FZD6: variants seen among roughly 807,000 people sequenced by gnomAD.
FZD6 encodes frizzled class receptor 6.
FZD6 carries 49 observed loss-of-function variants against 61.4 expected under a neutral mutation model. The observed-to-expected ratio is 0.80, with a 90% CI of 0.63 to 1.01. FZD6 has a LOEUF of 1.01. Among genes scored for constraint, FZD6 ranks in the 50% least tolerant of loss-of-function variants. FZD6 has a pLI of 0.00. For synonymous variants in FZD6, 265 were observed against 292.2 expected (o/e 0.91, Z 0.95); for missense variants, 724 against 848.2 (o/e 0.85, Z 1.82).
At chr8:103,301,142 A>T (rs1225856905) in intron 2 of FZD6, among the ~76,000 whole-genome samples, 1 of 152,222 alleles carries the variant, frequency 6.6e-6, no homozygotes, top group Non-Finnish European at 1.5e-5. Flanking sequence ...ACTATTTTTA[A>T]AATTGATTAG....
At chr8:103,323,119 A>G (rs1286260543) in intron 3 of FZD6, among the ~76,000 whole-genome samples, 2 of 152,222 alleles carry the variant, frequency 1.3e-5, no homozygotes, top group African/African-American at 4.8e-5. Context: ...TCAAAACCTG[A>G]AAAACAATAC....
intron 2 of FZD6, among the ~76,000 whole-genome samples, chr8:103,310,811 A>G (rs1814476043): frequency 6.6e-6 from 1 of 152,364 alleles, no homozygotes; most frequent in African/African-American, 2.4e-5. Context: ...AGTGGTTACA[A>G]GGATAATTTA....
At position 103,324,937 on chromosome 8, in the gene FZD6, T is replaced by C. The variant is rs1814900306; in HGVS notation, c.831T>C (p.Ser277=). 6.2e-7 allele frequency: 1 copy of C among 1,614,002 alleles called. No homozygotes were observed. Among genetic ancestry groups the C allele is most frequent in the African/African-American group, 1.3e-5 (1 of 74,938 alleles). ...LELGDTVVLG[S]QNKACTVLFM... ...TTGGTGACACTGTTGTCCTAGGCTCTCAAAATAAGGCTTGCACCGTTTTGT... is the reference window on the plus strand; with the variant it reads ...TTGGTGACACTGTTGTCCTAGGCTCCCAAAATAAGGCTTGCACCGTTTTGT... Residue 277 remains serine, a synonymous_variant, in exon 4 of 7, where the codon TCT becomes TCC. Transcript: ENST00000358755.
At chr8:103,320,419 G>T (rs1814751300) in intron 3 of FZD6, among the ~76,000 whole-genome samples, 1 of 152,082 alleles carries the variant, frequency 6.6e-6, no homozygotes, top group Non-Finnish European at 1.5e-5. Flanking sequence ...TGTGGTTGGG[G>T]TTTTGTCAGA....
At position 103,300,251 on chromosome 8, in the gene FZD6, T is replaced by C; in HGVS notation, c.144T>C (p.His48=). The C allele has an allele frequency of 6.2e-7, 1 of 1,612,512 alleles. No homozygotes were observed. Residue 48 remains histidine (H), a synonymous_variant, in exon 2 of 7, where the codon CAT becomes CAC. Transcript: ENST00000358755. ...CGTTTTTCCCTAATCTGATGGGTCA[T>C]TATGACCAGAGTATTGCCGCGGTGG... is the stretch of plus-strand genomic sequence containing the variant. ...NMTFFPNLMG[H]YDQSIAAVEM...
Position 103,328,252 on chromosome 8 carries a change from T to G in FZD6, c.1393-16T>G. 6.3e-7 allele frequency: 1 copy of G among 1,587,326 alleles called. No homozygotes were observed. The highest frequency in any genetic ancestry group is 8.7e-7 in the Non-Finnish European group (1 of 1,155,768). On this transcript the variant is annotated splice_polypyrimidine_tract_variant and intron_variant, in intron 4 of 6. Coordinates refer to ENST00000358755, the MANE Select transcript of FZD6 (RefSeq NM_003506.4). ...AGTGCATCACTGAAAATATTATTAT[T>G]CACTATTTTTTGTAGGCAAAAGCAA...
intron 6 of FZD6, among the ~76,000 whole-genome samples, chr8:103,330,834 A>G (rs1815098840): frequency 6.6e-6 from 1 of 152,170 alleles, no homozygotes; most frequent in South Asian, 2.1e-4. Context: ...AGCCCTATAT[A>G]TATAAGTAGT....
At chr8:103,306,927 G>A (rs1814351733) in intron 2 of FZD6, among the ~76,000 whole-genome samples, 1 of 152,096 alleles carries the variant, frequency 6.6e-6, no homozygotes, top group South Asian at 2.1e-4. Flanking sequence ...TTTTCTCACT[G>A]CATGGGAGTT....
At chr8:103,331,252 G>A (rs1444402610) in intron 6 of FZD6, 89 bp from the exon 7 acceptor site, 2 of 865,318 alleles carry the variant, frequency 2.3e-6, no homozygotes, top group Admixed American at 3.4e-5. Flanking sequence ...TGATAAAGGT[G>A]GACACTGGTT....
At chr8:103,311,938 T>G (rs1211843411) in intron 2 of FZD6, among the ~76,000 whole-genome samples, 1 of 152,162 alleles carries the variant, frequency 6.6e-6, no homozygotes, top group East Asian at 1.9e-4. Context: ...GTAGTTAAAC[T>G]AAATAGTTAG....
Position 103,300,029 on chromosome 8 carries a change from T to C in FZD6, c.-79T>C. On this transcript the variant is annotated 5_prime_UTR_variant, in exon 2 of 7. Coordinates refer to ENST00000358755, the MANE Select transcript of FZD6 (RefSeq NM_003506.4). ...AGTGAAATGAGGAATTTGAACATTT[T>C]ATCTTTGGATGGGGATCTTCTGAGG... 1.1e-5 allele frequency: 10 copies of C among 888,134 alleles called. No individual in the cohort carries two copies. The South Asian group carries it at 1.4e-4, about 12-fold the overall frequency. 55.0% of individuals were successfully genotyped at this position (888,134 alleles called of 1,614,324 possible). A position where few individuals can be genotyped will look rare whatever the true frequency, so the allele number is the denominator to read the frequency against.
At chr8:103,307,856 T>C in intron 2 of FZD6, 1 of 456,090 alleles carries the variant, frequency 2.2e-6, no homozygotes, top group Non-Finnish European at 4.4e-6. Context: ...TAAGGAAACA[T>C]GCTACAGCTA....
intron 2 of FZD6, among the ~76,000 whole-genome samples, chr8:103,313,524 A>G (rs768809037): frequency 3.9e-5 from 6 of 152,158 alleles, no homozygotes; most frequent in Non-Finnish European, 8.8e-5. Context: ...AGCCCAAGAA[A>G]CTATGCCTTT....
At chr8:103,299,809 C>T (rs909725461) in intron 1 of FZD6, 147 bp from the exon 2 acceptor site, 11 of 375,094 alleles carry the variant, frequency 2.9e-5, no homozygotes, top group Non-Finnish European at 5.1e-5. Context: ...CATGCTAAGG[C>T]AGGTGGAAGA....
Position 103,328,284 on chromosome 8 carries a change from G to C in FZD6, c.1409G>C (p.Arg470Pro). ...TTTTTGTAGGCAAAAGCAAAAGCTC[G>C]ACCAGAATTGGCTTTATTTATGATA... ...PCPYQAKAKA[R>P]PELALFMIKY... is the part of the protein sequence containing the mutation. Residue 470 changes from arginine to proline, a missense_variant, in exon 5 of 7, where the codon CGA (arginine) becomes CCA (proline). By Grantham distance (103) the Arg-to-Pro change is moderately radical. Transcript: ENST00000358755. 6.2e-7 allele frequency: 1 copy of C among 1,611,444 alleles called. No homozygotes were observed. The highest frequency in any genetic ancestry group is 8.5e-7 in the Non-Finnish European group (1 of 1,177,748).
At chr8:103,307,714 G>A in intron 2 of FZD6, 1 of 426,608 alleles carries the variant, frequency 2.3e-6, no homozygotes, top group South Asian at 1.6e-5. Flanking sequence ...TGTGTTCTAA[G>A]GTGTGTTTTT....
Position 103,324,809 on chromosome 8 carries a change from A to G in FZD6, c.703A>G (p.Ile235Val). ...ATTCAGATACCCAGAGAGACCAATT[A>G]TATATTACTCTGTCTGTTACAGCAT... ...RRFRYPERPI[I>V]YYSVCYSIVS... is the part of the protein sequence containing the mutation. Residue 235 changes from isoleucine (I) to valine (V), a missense_variant, in exon 4 of 7, where the codon ATA becomes GTA. Physicochemically the swap from Ile to Val is conservative, Grantham distance 29. Transcript: ENST00000358755. 3.1e-6 allele frequency: 5 copies of G among 1,612,322 alleles called. No individual in the cohort carries two copies. The highest frequency in any genetic ancestry group is 4.2e-6 in the Non-Finnish European group (5 of 1,178,378).
At chr8:103,313,098 G>A (rs904218218) in intron 2 of FZD6, among the ~76,000 whole-genome samples, 1 of 152,102 alleles carries the variant, frequency 6.6e-6, no homozygotes, top group African/African-American at 2.4e-5. Context: ...TCCTAGTTCT[G>A]CTTCTTACTA....
intron 2 of FZD6, among the ~76,000 whole-genome samples, chr8:103,308,140 C>T (rs1308197154): frequency 2.0e-5 from 3 of 152,152 alleles, no homozygotes; most frequent in African/African-American, 7.2e-5. Flanking sequence ...CCGTTTTGTT[C>T]CTGAGCCTGT....
Sources: gnomAD v4.1 joint callset for allele counts (sites outside exome capture counted in the v4.1 genomes callset) on GRCh38, gnomAD v4.1.1 for gene constraint, MANE v1.5 for transcripts, NCBI Gene and HGNC (gene_info 2026-07-23, HGNC 2026-07-21) for gene names.